The following SRGAP3 variants were observed in gnomAD, a reference collection of about 807,000 sequenced individuals.
SRGAP3 encodes SLIT-ROBO Rho GTPase-activating protein 3.
SRGAP3 carries 39 observed loss-of-function variants against 121.1 expected under a neutral mutation model. The observed-to-expected ratio is 0.32, with a 90% confidence interval of 0.25 to 0.42. SRGAP3 has a LOEUF of 0.42. SRGAP3 is among the 10% of genes least tolerant of loss of function. SRGAP3 has a pLI of 1.00. For missense variants in SRGAP3, 1,213 were observed against 1,470.6 expected (o/e 0.82, Z 2.86); for synonymous variants, 601 against 570.0 (o/e 1.05, Z -0.77).
At position 9,323,798 on chromosome 3, in the gene SRGAP3, AACACAC is replaced by A. The variant is rs139013302; in HGVS notation, n.442+2206_442+2211del. Among the ~76,000 whole-genome samples, 598 of 148,882 alleles carry A rather than the reference AACACAC, an allele frequency of 4.0e-3. 6 individuals are homozygous for A. The highest frequency in any genetic ancestry group is 0.012 in the African/African-American group (505 of 40,632). On this transcript the variant is annotated intron_variant and non_coding_transcript_variant, in intron 3 of 3. Coordinates refer to the SRGAP3 transcript ENST00000490889. The stretch of plus-strand genomic sequence containing the variant: ...CACAAATGTCTCTCCCTGTGTATCT[AACACAC>A]ACACACACACACACACACACACACT...
At chr3:9,237,457 G>A (rs542826116) in intron 1 of SRGAP3, among the ~76,000 whole-genome samples, 56 of 152,304 alleles carry the variant, frequency 3.7e-4, no homozygotes, top group African/African-American at 1.3e-3. Flanking sequence ...CAAAGAAAGC[G>A]TGAAAAATAT....
chr3:9,219,564 AATC>A, intron 1 of SRGAP3: 1 of 152,242 alleles, frequency 6.6e-6, no homozygotes, highest in East Asian at 1.9e-4. Context: ...AAAAGAATGA[AATC>A]CTGGCCAGGG....
At position 9,052,361 on chromosome 3, in the gene SRGAP3, TGGGGAAAAAG is replaced by T. The variant is rs1945619117; in HGVS notation, c.1323+656_1323+665del. On this transcript the variant is annotated intron_variant, in intron 9 of 21. Coordinates refer to ENST00000383836, the MANE Select transcript of SRGAP3 (RefSeq NM_014850.4). The stretch of plus-strand genomic sequence containing the variant: ...GCACAATGCAAACAAAAGGGCTGTC[TGGGGAAAAAG>T]GGAGATTTTAATCTTGGGAGCAATC... 2.0e-5 allele frequency among the ~76,000 whole-genome samples: 3 copies of T among 152,104 alleles called. No individual in the cohort carries two copies. The South Asian group carries it at 6.2e-4, about 32-fold the overall frequency.
At chr3:9,153,346 C>T (rs1260376255) in intron 1 of SRGAP3, among the ~76,000 whole-genome samples, 1 of 152,204 alleles carries the variant, frequency 6.6e-6, no homozygotes, top group Non-Finnish European at 1.5e-5. Flanking sequence ...TTAATCCTCA[C>T]AGCATCCTTG....
intron 3 of SRGAP3, among the ~76,000 whole-genome samples, chr3:9,306,252 A>T (rs572014872): frequency 1.2e-4 from 19 of 152,020 alleles, no homozygotes; most frequent in South Asian, 4.1e-4. Context: ...CCACTTTTTG[A>T]TGGGGTTGTT....
At chr3:9,343,321 G>C (rs558563220) in intron 1 of SRGAP3, among the ~76,000 whole-genome samples, 8 of 152,142 alleles carry the variant, frequency 5.3e-5, no homozygotes, top group African/African-American at 1.9e-4. Context: ...GTCCTCGTAG[G>C]GCTGTTGAAT....
In SRGAP3 at chr3:9,335,956, C is replaced by A. The variant is rs192550824; in HGVS notation, n.215-5360G>T. Among the ~76,000 whole-genome samples, 284 of 152,160 alleles carry A rather than the reference C, an allele frequency of 1.9e-3. 1 individual carries two copies. The highest frequency in any genetic ancestry group is 6.4e-3 in the African/African-American group (267 of 41,516). On this transcript the variant is annotated intron_variant and non_coding_transcript_variant, in intron 1 of 3. Coordinates refer to the SRGAP3 transcript ENST00000490889. ...TGCAGCCATGGGACTTCACTTGGAC[C>A]TTGAAACTAGGGGAAAAAAGAAGAT...
In SRGAP3 at chr3:9,287,631, G is replaced by A. The variant is rs74602826; in HGVS notation, n.442+38379C>T. Among the ~76,000 whole-genome samples, 1,288 of 152,280 alleles carry A rather than the reference G, an allele frequency of 8.5e-3. 9 individuals carry two copies. The highest frequency in any genetic ancestry group is 0.014 in the Non-Finnish European group (951 of 68,030). On this transcript the variant is annotated intron_variant and non_coding_transcript_variant, in intron 3 of 3. Coordinates refer to the SRGAP3 transcript ENST00000490889. ...GGCAGGAGGGTGAGGTGCAGTAAGC[G>A]TTGAAAAACTGTGTATTGGGTACAA... is the stretch of plus-strand genomic sequence containing the variant.
intron 5 of SRGAP3, among the ~76,000 whole-genome samples, chr3:9,061,209 G>C (rs937235870): frequency 6.6e-6 from 1 of 152,204 alleles, no homozygotes; most frequent in African/African-American, 2.4e-5. Context: ...TCCAGGTCTA[G>C]GTGACAGAGG....
At chr3:9,192,633 G>C (rs1951788566) in intron 1 of SRGAP3, 1 of 152,246 alleles carries the variant, frequency 6.6e-6, no homozygotes, top group Non-Finnish European at 1.5e-5. Flanking sequence ...TTCCTTGGAT[G>C]ATTTTAACCT....
intron 1 of SRGAP3, among the ~76,000 whole-genome samples, chr3:9,182,291 T>G (rs1951438390): frequency 6.6e-6 from 1 of 150,498 alleles, no homozygotes; most frequent in Non-Finnish European, 1.5e-5. Context: ...AGAGTTAAAA[T>G]GAGGTCATCA....
In SRGAP3 at chr3:9,224,034, A is replaced by G. The variant is rs151044388; in HGVS notation, c.67+24851T>C. Among the ~76,000 whole-genome samples, 368 of 152,264 alleles carry G rather than the reference A, an allele frequency of 2.4e-3. 4 individuals carry two copies. Among genetic ancestry groups the G allele is most frequent in the Non-Finnish European group, 2.1e-3 (143 of 68,022 alleles). ...CATTTCACAAGCCACGGGGCTCTGAAGGAAAACAGACGCCCCTGCAGAAGA... is the reference window on the plus strand; with the variant it reads ...CATTTCACAAGCCACGGGGCTCTGAGGGAAAACAGACGCCCCTGCAGAAGA... On this transcript the variant is annotated intron_variant, in intron 1 of 21. Coordinates refer to ENST00000383836, the MANE Select transcript of SRGAP3 (RefSeq NM_014850.4).
chr3:9,250,945 T>C (rs1953999133), upstream of SRGAP3, among the ~76,000 whole-genome samples: 1 of 152,244 alleles, frequency 6.6e-6, no homozygotes, highest in African/African-American at 2.4e-5. Flanking sequence ...TAATGTGTAT[T>C]GGCCCCTGAC....
intron 4 of SRGAP3, among the ~76,000 whole-genome samples, chr3:9,070,108 C>A (rs927731217): frequency 3.3e-5 from 5 of 152,226 alleles, no homozygotes; most frequent in African/African-American, 1.2e-4. Context: ...TTGCCTTTTG[C>A]CTCTTCCCTG....
Position 9,338,295 on chromosome 3 carries a change from T to C in SRGAP3, n.215-7699A>G, listed in dbSNP as rs189183031. 1.9e-3 allele frequency among the ~76,000 whole-genome samples: 282 copies of C among 152,202 alleles called. 1 individual carries two copies. The highest frequency in any genetic ancestry group is 6.4e-3 in the African/African-American group (265 of 41,510). ...AAAAGAGTAGTAGAAACCTCCACAG[T>C]TTGGAGCTTGGTAGGTGAAAGACTA... is the stretch of plus-strand genomic sequence containing the variant. On this transcript the variant is annotated intron_variant and non_coding_transcript_variant, in intron 1 of 3. Coordinates refer to the SRGAP3 transcript ENST00000490889.
At chr3:9,188,829 A>C (rs956876814) in intron 1 of SRGAP3, among the ~76,000 whole-genome samples, 1 of 152,192 alleles carries the variant, frequency 6.6e-6, no homozygotes, top group Non-Finnish European at 1.5e-5. Flanking sequence ...GGAAAGATGC[A>C]AAGTTGGCCT....
At chr3:8,998,244 T>C (rs987458095) in intron 18 of SRGAP3, among the ~76,000 whole-genome samples, 2 of 152,232 alleles carry the variant, frequency 1.3e-5, no homozygotes, top group Non-Finnish European at 2.9e-5. Context: ...TACAGGGCCT[T>C]TGTACTTCCT....
chr3:8,980,718 G>T lies in SRGAP3; in HGVS notation c.*4801C>A, dbSNP rs1941371424. The T allele has an allele frequency of 4.3e-6, 1 of 232,958 alleles. No individual in the cohort carries two copies. Among genetic ancestry groups the T allele is most frequent in the East Asian group, 6.1e-5 (1 of 16,480 alleles). 14.4% of individuals were successfully genotyped at this position (232,958 alleles called of 1,614,324 possible). A position where few individuals can be genotyped will look rare whatever the true frequency, so the allele number is the denominator to read the frequency against. On this transcript the variant is annotated 3_prime_UTR_variant, in exon 22 of 22. Transcript: ENST00000383836. ...GACGGGCGTTTGGTCGTAAGGTAGA[G>T]AAACGATATCCAGAAGAGGGCAACA...
chr3:9,301,371 T>A (rs1159529868), intron 3 of SRGAP3, among the ~76,000 whole-genome samples: 1 of 152,184 alleles, frequency 6.6e-6, no homozygotes, highest in Admixed American at 6.5e-5. Context: ...ATGGGTGGCC[T>A]TGAGGTTCAG....
Sources: gnomAD v4.1 joint callset for allele counts (sites outside exome capture counted in the v4.1 genomes callset) on GRCh38, gnomAD v4.1.1 for gene constraint, MANE v1.5 for transcripts, NCBI Gene and HGNC (gene_info 2026-07-23, HGNC 2026-07-21) for gene names.